The following SYNPR variants were observed in gnomAD, a reference collection of about 807,000 sequenced individuals.
The protein encoded by SYNPR is synaptoporin.
A neutral mutation model predicts 32.9 loss-of-function variants in SYNPR; 23 were observed. The ratio of observed to expected loss-of-function variants is 0.70; its 90% CI spans 0.50 to 0.99. The LOEUF (loss-of-function observed/expected upper bound fraction) is 0.99, where lower values mean the gene tolerates loss of function less well. Ranked by LOEUF, SYNPR falls within the 50% of genes least tolerant of loss-of-function variation. SYNPR has a pLI of 0.00. For synonymous variants in SYNPR, 146 were observed against 135.9 expected, an observed-to-expected ratio of 1.07 and a Z score of -0.52; for missense variants, 318 against 349.3, an observed-to-expected ratio of 0.91 and a Z score of 0.71.
chr3:63,553,061 C>G (rs374987406), intron 3 of SYNPR, among the ~76,000 whole-genome samples: 3 of 152,024 alleles, frequency 2.0e-5, no homozygotes, highest in Admixed American at 1.3e-4. Context: ...GCATAGCACC[C>G]AATAAGTAGC....
chr3:63,307,177 T>G (rs1228489614), intron 2 of SYNPR, among the ~76,000 whole-genome samples: 1 of 151,992 alleles, frequency 6.6e-6, no homozygotes, highest in African/African-American at 2.4e-5. Flanking sequence ...GTCTGCATTT[T>G]ACAGATGAGG....
At chr3:63,315,488 T>C (rs1443982971) in intron 2 of SYNPR, among the ~76,000 whole-genome samples, 1 of 151,982 alleles carries the variant, frequency 6.6e-6, no homozygotes, top group Non-Finnish European at 1.5e-5. Context: ...TTTTATTTTA[T>C]TTTTTGCAGC....
chr3:63,606,327 T>C lies in SYNPR; in HGVS notation c.409-2798T>C, dbSNP rs73834623. ...AAATACCATGTTTATTCTGAAGATA[T>C]AGATCCTTGACTTCAATCAGAAGCT... On this transcript the variant is annotated intron_variant, in intron 4 of 5. Transcript: ENST00000478300. Among the ~76,000 whole-genome samples the C allele has an allele frequency of 7.1e-3, 1,071 of 151,912 alleles. 8 individuals are homozygous for C. The highest frequency in any genetic ancestry group is 0.024 in the African/African-American group (987 of 41,458).
chr3:63,563,962 C>G (rs1353442369), intron 4 of SYNPR, among the ~76,000 whole-genome samples: 1 of 98,126 alleles, frequency 1.0e-5, no homozygotes, highest in Non-Finnish European at 1.9e-5. Flanking sequence ...TTAATAAATA[C>G]TCTCAAATAT....
At chr3:63,548,616 A>T (rs1211854579) in intron 3 of SYNPR, among the ~76,000 whole-genome samples, 1 of 152,174 alleles carries the variant, frequency 6.6e-6, no homozygotes, top group African/African-American at 2.4e-5. Context: ...GAGGGATAAA[A>T]ATGGAGCAAA....
intron 2 of SYNPR, among the ~76,000 whole-genome samples, chr3:63,306,804 G>A (rs560685379): frequency 5.3e-4 from 81 of 152,100 alleles, no homozygotes; most frequent in Non-Finnish European, 7.8e-4. Flanking sequence ...CATCAACCTG[G>A]CTTAGACTTC....
At chr3:63,455,673 G>T (rs1700468496) in intron 2 of SYNPR, among the ~76,000 whole-genome samples, 1 of 151,778 alleles carries the variant, frequency 6.6e-6, no homozygotes, top group Admixed American at 6.6e-5. Flanking sequence ...TGACAAGTAT[G>T]GTTGAAGATT....
the SYNPR span, among the ~76,000 whole-genome samples, chr3:63,222,612 G>GTT: frequency 6.6e-6 from 1 of 152,086 alleles, no homozygotes; most frequent in South Asian, 2.1e-4. Flanking sequence ...CGCCTCCCAG[G>GTT]TTTAAATGAT....
rs137939263 is a variant in SYNPR, at chr3:63,416,441, C to A, written c.85-64391C>A. On this transcript the variant is annotated intron_variant, in intron 2 of 5. Coordinates refer to ENST00000478300, the MANE Select transcript of SYNPR (RefSeq NM_001130003.2). ...CAGCTATTCTGGTGGCTGAGGTGGG[C>A]GAATTGCTTGAACCCGGGACGTGGA... 4.9e-3 allele frequency among the ~76,000 whole-genome samples: 710 copies of A among 144,062 alleles called. 5 individuals carry two copies. Among genetic ancestry groups the A allele is most frequent in the African/African-American group, 0.017 (673 of 39,012 alleles). The allele number at this position is 144,062 out of a possible 152,430, so 94.5% of individuals were successfully genotyped here.
chr3:63,518,106 A>G (rs1408522437), intron 3 of SYNPR, among the ~76,000 whole-genome samples: 1 of 152,142 alleles, frequency 6.6e-6, no homozygotes, highest in African/African-American at 2.4e-5. Flanking sequence ...ACCATACACA[A>G]TATCAAAATC....
chr3:63,502,132 T>G (rs981594302), intron 3 of SYNPR, among the ~76,000 whole-genome samples: 4 of 152,184 alleles, frequency 2.6e-5, no homozygotes, highest in African/African-American at 9.6e-5. Flanking sequence ...TTTTATTTTT[T>G]TAATGTAGCT....
At chr3:63,396,024 A>G (rs1197799652) in intron 2 of SYNPR, among the ~76,000 whole-genome samples, 2 of 152,204 alleles carry the variant, frequency 1.3e-5, no homozygotes, top group East Asian at 3.8e-4. Context: ...CATGTTAGCT[A>G]TTACCTAATA....
intron 2 of SYNPR, among the ~76,000 whole-genome samples, chr3:63,292,049 G>T (rs1012777375): frequency 3.9e-5 from 6 of 152,148 alleles, no homozygotes; most frequent in African/African-American, 9.7e-5. Flanking sequence ...TGACTGTACT[G>T]AATACTGTAA....
At chr3:63,253,245 T>A (rs1273336379) in intron 2 of SYNPR, among the ~76,000 whole-genome samples, 1 of 151,856 alleles carries the variant, frequency 6.6e-6, no homozygotes, top group East Asian at 1.9e-4. Flanking sequence ...GTATGGTAAA[T>A]AAGAAAGTCA....
intron 2 of SYNPR, among the ~76,000 whole-genome samples, chr3:63,381,417 T>A (rs1677054449): frequency 6.6e-6 from 1 of 152,146 alleles, no homozygotes; most frequent in South Asian, 2.1e-4. Context: ...CACAAACAAA[T>A]GGAAGAACAT....
chr3:63,304,248 AG>A (rs2086885217), intron 2 of SYNPR, among the ~76,000 whole-genome samples: 1 of 151,984 alleles, frequency 6.6e-6, no homozygotes, highest in Non-Finnish European at 1.5e-5. Flanking sequence ...TTGGAAACTA[AG>A]GGGAGAAAGA....
chr3:63,266,707 C>CAGAAAAAA (rs1553862225), intron 2 of SYNPR, among the ~76,000 whole-genome samples: 1 of 120,418 alleles, frequency 8.3e-6, no homozygotes, highest in Non-Finnish European at 1.7e-5. Context: ...AACTCCGTCT[C>CAGAAAAAA]AAAAAAAAAA....
chr3:63,532,278 C>T (rs925241764), intron 3 of SYNPR, among the ~76,000 whole-genome samples: 10 of 152,172 alleles, frequency 6.6e-5, no homozygotes, highest in African/African-American at 9.6e-5. Context: ...CCTAGCTACA[C>T]GACATTTTAT....
chr3:63,404,443 G>A (rs187587752), intron 2 of SYNPR, among the ~76,000 whole-genome samples: 70 of 152,206 alleles, frequency 4.6e-4, no homozygotes, highest in African/African-American at 1.6e-3. Context: ...TTTCAGACAA[G>A]ATCCCTTATT....
Sources: allele counts gnomAD v4.1 joint callset (sites outside exome capture counted in the v4.1 genomes callset), GRCh38; gene constraint gnomAD v4.1.1; transcripts MANE v1.5; gene names NCBI Gene and HGNC (gene_info 2026-07-23, HGNC 2026-07-21).